Variants in FADS2 observed in about 807,000 individuals in gnomAD.
The protein encoded by FADS2 is fatty acid desaturase 2, also known as acyl-CoA 6-desaturase.
In FADS2, 18 loss-of-function variants were observed where a neutral mutation model predicts 61.2. The ratio of observed to expected loss-of-function variants is 0.29; its 90% CI spans 0.20 to 0.44. FADS2 has a LOEUF of 0.44. FADS2 is among the 20% of genes least tolerant of loss of function. The pLI is 1.00. For synonymous variants in FADS2, 203 were observed against 223.9 expected (o/e 0.91, Z 0.83); for missense variants, 322 against 572.7 (o/e 0.56, Z 4.47).
At chr11:61,859,416 T>A (rs1565336678) in intron 7 of FADS2, among the ~76,000 whole-genome samples, 1 of 152,244 alleles carries the variant, frequency 6.6e-6, no homozygotes, top group Non-Finnish European at 1.5e-5. Context: ...TGACTGTGAA[T>A]TTAAGAGCAG....
chr11:61,863,983 C>CA, intron 10 of FADS2, 197 bp downstream of exon 10: 1 of 562,298 alleles, frequency 1.8e-6, no homozygotes. Flanking sequence ...CCCTGAGGGT[C>CA]ATCCTGTGCC....
upstream of FADS2, chr11:61,826,180 T>A: frequency 1.4e-6 from 1 of 702,614 alleles, no homozygotes; most frequent in Non-Finnish European, 2.6e-6. Flanking sequence ...CTGCTGGGGC[T>A]TTTCTCAATT....
intron 1 of FADS2, among the ~76,000 whole-genome samples, chr11:61,819,878 A>G (rs2067024760): frequency 9.6e-6 from 1 of 104,076 alleles, no homozygotes; most frequent in African/African-American, 3.7e-5. Flanking sequence ...CCCCCGAATC[A>G]AGGAAAATTA....
intron 5 of FADS2, 26 bp from the exon 6 acceptor site, chr11:61,856,985 G>A (rs1253180338): frequency 6.2e-7 from 1 of 1,603,120 alleles, no homozygotes; most frequent in South Asian, 1.1e-5. Context: ...GCTACTGGGT[G>A]CTCATGATCT....
chr11:61,860,043 C>A (rs114234489), intron 7 of FADS2, among the ~76,000 whole-genome samples: 2,459 of 152,320 alleles, frequency 0.016, 72 homozygotes, highest in African/African-American at 0.057. Flanking sequence ...AGAGTGGGGA[C>A]AATGTGATGA....
At chr11:61,851,215 G>A (rs565897655) in intron 5 of FADS2, among the ~76,000 whole-genome samples, 24 of 152,296 alleles carry the variant, frequency 1.6e-4, no homozygotes, top group Admixed American at 1.0e-3. Context: ...ATGTAGAGCC[G>A]TTGGCTGTCC....
intron 5 of FADS2, chr11:61,856,701 C>T: frequency 2.7e-6 from 1 of 369,442 alleles, no homozygotes; most frequent in Non-Finnish European, 4.9e-6. Flanking sequence ...GGGCCACTTC[C>T]TGTGGCCTTG....
chr11:61,865,722 G>T lies in FADS2; in HGVS notation c.*33G>T, dbSNP rs1354284677. 1.3e-6 allele frequency: 2 copies of T among 1,588,494 alleles called. No homozygotes were observed. Among genetic ancestry groups the T allele is most frequent in the Non-Finnish European group, 8.6e-7 (1 of 1,161,644 alleles). On this transcript the variant is annotated 3_prime_UTR_variant, in exon 12 of 12. Coordinates refer to ENST00000278840, the MANE Select transcript of FADS2 (RefSeq NM_004265.4). The surrounding 1 kb of genome is among the most constrained non-coding windows in gnomAD (Gnocchi z 4.1). The stretch of plus-strand genomic sequence containing the variant: ...GCCCCCGGGACACCGTGGGGAAGGG[G>T]TGCAGGTGGGGTGATGGCCAGAGGA...
At chr11:61,818,901 C>T (rs888015087) in intron 1 of FADS2, among the ~76,000 whole-genome samples, 1 of 150,670 alleles carries the variant, frequency 6.6e-6, no homozygotes, top group Non-Finnish European at 1.5e-5. Flanking sequence ...GATGGAGTCT[C>T]GCTCTGTCGC....
chr11:61,841,412 C>T (rs956016594), intron 4 of FADS2, among the ~76,000 whole-genome samples: 15 of 150,432 alleles, frequency 1.0e-4, no homozygotes, highest in Non-Finnish European at 2.1e-4. Flanking sequence ...CTCTTTAATA[C>T]GTTGTGCTGG....
At chr11:61,835,821 T>C (rs2067169604) in intron 1 of FADS2, among the ~76,000 whole-genome samples, 1 of 152,216 alleles carries the variant, frequency 6.6e-6, no homozygotes, top group Non-Finnish European at 1.5e-5. Context: ...TTCCTCTTTA[T>C]ATGTGTGCAG....
At chr11:61,842,371 G>A (rs73487483) in intron 4 of FADS2, among the ~76,000 whole-genome samples, 1,814 of 152,332 alleles carry the variant, frequency 0.012, 40 homozygotes, top group African/African-American at 0.041. Context: ...ACTCTTCTCT[G>A]TTGGATCAAA....
intron 4 of FADS2, chr11:61,846,742 C>A (rs747422714): frequency 6.6e-6 from 1 of 152,222 alleles, no homozygotes; most frequent in Admixed American, 6.5e-5. Context: ...AGACGGACAC[C>A]TGTGGCCTCA....
At chr11:61,857,113 T>C in intron 6 of FADS2, 42 bp downstream of exon 6, 2 of 1,524,038 alleles carry the variant, frequency 1.3e-6, no homozygotes, top group Non-Finnish European at 1.8e-6. Context: ...GACCCTCCCC[T>C]CCCCCCAGAG....
At chr11:61,818,092 A>G (rs1039215275) in intron 1 of FADS2, among the ~76,000 whole-genome samples, 1 of 152,218 alleles carries the variant, frequency 6.6e-6, no homozygotes, top group African/African-American at 2.4e-5. Context: ...AGGGAAAGGA[A>G]ACATAACTGT....
At chr11:61,858,187 GTTTA>G (rs906214862) in intron 7 of FADS2, among the ~76,000 whole-genome samples, 6 of 152,032 alleles carry the variant, frequency 3.9e-5, no homozygotes, top group African/African-American at 1.2e-4. Context: ...AAATTATTTT[GTTTA>G]TTTGTTTATT....
chr11:61,828,985 C>A lies in FADS2; in HGVS notation c.207+388C>A, dbSNP rs903902607. 6.6e-6 allele frequency among the ~76,000 whole-genome samples: 1 copy of A among 152,224 alleles called. No individual in the cohort carries two copies. Among genetic ancestry groups the A allele is most frequent in the Non-Finnish European group, 1.5e-5 (1 of 68,040 alleles). On this transcript the variant is annotated intron_variant, in intron 1 of 11. Transcript: ENST00000278840. The surrounding 1 kb of genome is among the most constrained non-coding windows in gnomAD (Gnocchi z 6.4). ...CCAGCGGGGAAGATGGCCGCCCCTGCGCGCCGCTGAAAGGAGCGGGAGCGC... is the reference window on the plus strand; with the variant it reads ...CCAGCGGGGAAGATGGCCGCCCCTGAGCGCCGCTGAAAGGAGCGGGAGCGC...
intron 7 of FADS2, among the ~76,000 whole-genome samples, chr11:61,858,138 T>C (rs1290133653): frequency 1.3e-5 from 2 of 152,210 alleles, no homozygotes; most frequent in East Asian, 3.8e-4. Context: ...TCTCTGCATA[T>C]TTGTATCTGT....
rs767302779 is a variant in FADS2, at chr11:61,863,803, G to A, written c.1157+17G>A. ...TGAGCACCAGTGAGCGCGGGGCTGC[G>A]GGGAGGCGGGGAGACCCACAGCGGG... is the stretch of plus-strand genomic sequence containing the variant. On this transcript the variant is annotated intron_variant, in intron 10 of 11. Coordinates refer to ENST00000278840, the MANE Select transcript of FADS2 (RefSeq NM_004265.4). 18 of 1,603,206 alleles carry A rather than the reference G, an allele frequency of 1.1e-5. No individual in the cohort carries two copies. In the East Asian group the frequency reaches 2.7e-4, roughly 24 times the overall value.
Sources: allele counts gnomAD v4.1 joint callset (sites outside exome capture counted in the v4.1 genomes callset), GRCh38; gene constraint gnomAD v4.1.1; non-coding constraint Gnocchi (gnomAD v3.1); transcripts MANE v1.5; gene names NCBI Gene and HGNC (gene_info 2026-07-23, HGNC 2026-07-21).